Variants in HOMER1 observed in about 807,000 individuals in gnomAD.
HOMER1 encodes the protein homer protein homolog 1.
Under a neutral mutation model 48.9 loss-of-function variants are expected in HOMER1, and 3 were observed. The observed-to-expected ratio is 0.06, with a 90% CI of 0.03 to 0.16. The LOEUF is 0.16. HOMER1 is among the 10% of genes least tolerant of loss of function. The pLI, the probability that HOMER1 is intolerant of heterozygous loss-of-function variation, is 1.00. For synonymous variants in HOMER1, 134 were observed against 146.4 expected (o/e 0.92, Z 0.61); for missense variants, 247 against 411.4 (o/e 0.60, Z 3.46).
chr5:79,466,197 G>C (rs974953946), intron 1 of HOMER1, among the ~76,000 whole-genome samples: 1 of 151,892 alleles, frequency 6.6e-6, no homozygotes, highest in Non-Finnish European at 1.5e-5. Flanking sequence ...AATATATCAA[G>C]TATGCCTGAT....
chr5:79,447,112 C>T lies in HOMER1; in HGVS notation c.328G>A (p.Ala110Thr), dbSNP rs768572957. ...AEKFQEFKEA[A>T]RLAKEKSQEK... ...TGTGATTTTTCCTTTGCTAGTCGAG[C>T]AGCTTCTTTAAATTCCTGAAACTTT... is the stretch of plus-strand genomic sequence containing the variant. The change falls in exon 4 of 9, where the codon GCT (alanine) becomes ACT (threonine). Residue 110 changes from alanine (A) to threonine (T), a missense_variant. Ala to Thr is a moderately conservative substitution (Grantham distance 58). Transcript: ENST00000334082. 6.2e-7 allele frequency: 1 copy of T among 1,613,206 alleles called. No individual in the cohort carries two copies. The highest frequency in any genetic ancestry group is 1.1e-5 in the South Asian group (1 of 91,066).
intron 1 of HOMER1, among the ~76,000 whole-genome samples, chr5:79,512,390 TTATC>T (rs1267068693): frequency 2.0e-5 from 3 of 152,318 alleles, no homozygotes; most frequent in African/African-American, 7.2e-5. Context: ...GTGCAACTGA[TTATC>T]TAAAAGTACT....
chr5:79,510,271 G>A (rs1024526123), intron 1 of HOMER1, among the ~76,000 whole-genome samples: 1 of 152,002 alleles, frequency 6.6e-6, no homozygotes, highest in African/African-American at 2.4e-5. Flanking sequence ...TAACTAAAGG[G>A]CAGATACATT....
rs147461725 is a variant in HOMER1, at chr5:79,460,231, C to T, written c.6-3213G>A. Among the ~76,000 whole-genome samples the T allele has an allele frequency of 4.1e-3, 630 of 152,248 alleles. 4 individuals are homozygous for T. Among genetic ancestry groups the T allele is most frequent in the African/African-American group, 0.013 (556 of 41,542 alleles). On this transcript the variant is annotated intron_variant, in intron 1 of 8. Coordinates refer to ENST00000334082, the MANE Select transcript of HOMER1 (RefSeq NM_004272.5). ...CCTGTAATCCCAGTGCTTTGGGAGGCCAAGCTGGGCTGATCACTTGAGCTC... is the reference window on the plus strand; with the variant it reads ...CCTGTAATCCCAGTGCTTTGGGAGGTCAAGCTGGGCTGATCACTTGAGCTC...
chr5:79,400,059 T>C (rs917102486), intron 6 of HOMER1, among the ~76,000 whole-genome samples: 1 of 148,586 alleles, frequency 6.7e-6, no homozygotes, highest in Non-Finnish European at 1.5e-5. Flanking sequence ...CTCCTTAATA[T>C]TTTCTGGCTA....
At chr5:79,500,380 T>TA (rs1752543770) in intron 1 of HOMER1, among the ~76,000 whole-genome samples, 1 of 152,230 alleles carries the variant, frequency 6.6e-6, no homozygotes, top group African/African-American at 2.4e-5. Flanking sequence ...AGCTTTGGCT[T>TA]AAAAAATGTC....
At chr5:79,441,487 T>G (rs1340434253) in intron 4 of HOMER1, among the ~76,000 whole-genome samples, 1 of 152,082 alleles carries the variant, frequency 6.6e-6, no homozygotes, top group Non-Finnish European at 1.5e-5. Context: ...AAGAAAGGGA[T>G]AGAGGTTGTA....
intron 5 of HOMER1, among the ~76,000 whole-genome samples, chr5:79,412,902 A>AG (rs1193799421): frequency 3.3e-5 from 5 of 152,242 alleles, no homozygotes; most frequent in Non-Finnish European, 7.3e-5. Context: ...CAAATACAAT[A>AG]GGAGGGACTG....
At chr5:79,478,649 ATC>A (rs1751855373) in intron 1 of HOMER1, among the ~76,000 whole-genome samples, 1 of 151,608 alleles carries the variant, frequency 6.6e-6, no homozygotes, top group Admixed American at 6.6e-5. Context: ...AATAATTCCA[ATC>A]TCTCAAAAAT....
chr5:79,387,720 T>C (rs115400181), intron 8 of HOMER1, among the ~76,000 whole-genome samples: 3,913 of 152,264 alleles, frequency 0.026, 158 homozygotes, highest in African/African-American at 0.088. Flanking sequence ...TAATAGAACA[T>C]ACATTCTATA....
At position 79,439,043 on chromosome 5, in the gene HOMER1, T is replaced by A; in HGVS notation, c.494A>T (p.Glu165Val). 2 of 1,614,012 alleles carry A rather than the reference T, an allele frequency of 1.2e-6. No homozygotes were observed. Among genetic ancestry groups the A allele is most frequent in the Non-Finnish European group, 1.7e-6 (2 of 1,179,870 alleles). The change falls in exon 5 of 9, where the codon GAA (glutamate) becomes GTA (valine). Residue 165 changes from glutamate (E) to valine (V), a missense_variant. By Grantham distance (121) the Glu-to-Val change is moderately radical. This residue lies in a region of HOMER1 where 94 missense variants were observed against 112.4 expected (regional missense o/e 0.84). Coordinates refer to ENST00000334082, the MANE Select transcript of HOMER1 (RefSeq NM_004272.5). ...AAATGGCAATGCATTCTGAGTTGGT[T>A]CAGCCCTTGGCTCTGAGTTCTGTGT... ...DVTQNSEPRAEPTQNALPFSH... is the reference protein window; with the variant it reads ...DVTQNSEPRAVPTQNALPFSH...
chr5:79,395,881 T>C (rs1749369520), intron 8 of HOMER1, among the ~76,000 whole-genome samples: 1 of 152,206 alleles, frequency 6.6e-6, no homozygotes, highest in African/African-American at 2.4e-5. Context: ...GTCCGATATG[T>C]TGCAAGCACT....
At chr5:79,451,950 T>C (rs576044799) in intron 2 of HOMER1, among the ~76,000 whole-genome samples, 2 of 152,282 alleles carry the variant, frequency 1.3e-5, no homozygotes, top group East Asian at 1.9e-4. Flanking sequence ...TGCAATCGTT[T>C]AGTACTTTTT....
intron 5 of HOMER1, among the ~76,000 whole-genome samples, chr5:79,421,445 A>G (rs1425743185): frequency 6.6e-6 from 1 of 152,246 alleles, no homozygotes; most frequent in African/African-American, 2.4e-5. Context: ...ACAAAAGAGC[A>G]AAGAAATAAT....
At chr5:79,468,065 C>T (rs570993366) in intron 1 of HOMER1, among the ~76,000 whole-genome samples, 1 of 152,320 alleles carries the variant, frequency 6.6e-6, no homozygotes, top group Admixed American at 6.5e-5. Flanking sequence ...TATGAGCCAC[C>T]ATGCCCAGCC....
intron 1 of HOMER1, among the ~76,000 whole-genome samples, chr5:79,481,870 T>C (rs148959132): frequency 5.3e-4 from 80 of 152,260 alleles, no homozygotes; most frequent in Non-Finnish European, 1.8e-4. Context: ...TTTGAAAAGA[T>C]CATACTGTTT....
chr5:79,471,554 A>G (rs1372133550), intron 1 of HOMER1, among the ~76,000 whole-genome samples: 1 of 110,290 alleles, frequency 9.1e-6, no homozygotes, highest in East Asian at 3.4e-4. Context: ...TCTCAAAGAA[A>G]AAAAAAAAAA....
intron 1 of HOMER1, among the ~76,000 whole-genome samples, chr5:79,469,525 C>A (rs1751563130): frequency 6.6e-6 from 1 of 152,144 alleles, no homozygotes; most frequent in Non-Finnish European, 1.5e-5. Context: ...TATAAGCCTA[C>A]CAATGAATAG....
rs1235315981 is a variant in HOMER1 at position 79,513,788 on chromosome 5, A to C, written c.-1014T>G. On this transcript the variant is annotated 5_prime_UTR_variant, in exon 1 of 9. Coordinates refer to ENST00000334082, the MANE Select transcript of HOMER1 (RefSeq NM_004272.5). ...GCGGGCGAAAGGGGCCGAAGGGTCGACGGGCGCCTGCCCGAGCCAAGGCGG... is the reference window on the plus strand; with the variant it reads ...GCGGGCGAAAGGGGCCGAAGGGTCGCCGGGCGCCTGCCCGAGCCAAGGCGG... 6.6e-6 allele frequency: 1 copy of C among 152,406 alleles called. No individual in the cohort carries two copies. The highest frequency in any genetic ancestry group is 1.5e-5 in the Non-Finnish European group (1 of 68,214). The allele number at this position is 152,406 out of a possible 1,614,324, so 9.4% of individuals were successfully genotyped here. A position where few individuals can be genotyped will look rare whatever the true frequency, so the allele number is the denominator to read the frequency against.
Sources: gnomAD v4.1 joint callset for allele counts (sites outside exome capture counted in the v4.1 genomes callset) on GRCh38, gnomAD v4.1.1 for gene constraint, gnomAD v4.1.1 regional missense constraint, MANE v1.5 for transcripts, NCBI Gene and HGNC (gene_info 2026-07-23, HGNC 2026-07-21) for gene names.